SEMA3C: variants seen among roughly 807,000 people sequenced by gnomAD.
SEMA3C encodes the protein semaphorin 3C.
SEMA3C carries 47 observed loss-of-function variants against 89.4 expected under a neutral mutation model. The observed-to-expected ratio is 0.53, with a 90% CI of 0.42 to 0.67. The LOEUF is 0.67. Among genes scored for constraint, SEMA3C ranks in the 30% least tolerant of loss-of-function variants. SEMA3C has a pLI of 0.00. For synonymous variants in SEMA3C, 310 were observed against 320.2 expected (o/e 0.97, Z 0.34); for missense variants, 839 against 929.1 (o/e 0.90, Z 1.26).
intron 11 of SEMA3C, 90 bp downstream of exon 11, chr7:80,798,002 A>G: frequency 7.3e-7 from 1 of 1,363,866 alleles, no homozygotes; most frequent in South Asian, 1.4e-5. Context: ...CGTCTCAAAA[A>G]AAAACCCCAA....
upstream of SEMA3C, chr7:80,922,373 C>A (rs992212740): frequency 3.8e-6 from 4 of 1,064,124 alleles, no homozygotes; most frequent in Non-Finnish European, 5.1e-6. Flanking sequence ...TTTGGAAAGT[C>A]TCAACTTCCA....
chr7:80,757,103 C>G (rs1788083425), intron 15 of SEMA3C, among the ~76,000 whole-genome samples: 1 of 152,084 alleles, frequency 6.6e-6, no homozygotes. Flanking sequence ...TTTTAATACA[C>G]AAAAGCTCTA....
At position 80,746,718 on chromosome 7, in the gene SEMA3C, G is replaced by GGGGTGTGTGT. The variant is rs149678378; in HGVS notation, c.1843-1412_1843-1411insACACACACCC. 2.0e-3 allele frequency among the ~76,000 whole-genome samples: 287 copies of GGGGTGTGTGT among 143,026 alleles called. 4 individuals carry two copies. The highest frequency in any genetic ancestry group is 6.3e-3 in the African/African-American group (246 of 38,902). 93.8% of individuals were successfully genotyped at this position (143,026 alleles called of 152,430 possible). The stretch of plus-strand genomic sequence containing the variant: ...ATCACATGTACTGATATTGAAGTGG[G>GGGGTGTGTGT]GTGTGTGTGTGTGTGTGTGTGTGTG... On this transcript the variant is annotated intron_variant, in intron 17 of 17. Transcript: ENST00000265361.
intron 17 of SEMA3C, 43 bp from the exon 18 acceptor site, chr7:80,745,350 A>T: frequency 6.5e-7 from 1 of 1,549,330 alleles, no homozygotes; most frequent in Non-Finnish European, 8.8e-7. Flanking sequence ...TGAACATTAT[A>T]TTTCCTTAGA....
intron 2 of SEMA3C, among the ~76,000 whole-genome samples, chr7:80,863,168 G>A (rs1790812333): frequency 6.6e-6 from 1 of 151,698 alleles, no homozygotes; most frequent in South Asian, 2.1e-4. Context: ...GGAGGCAGAG[G>A]TTGCAGTGAG....
intron 7 of SEMA3C, among the ~76,000 whole-genome samples, chr7:80,805,425 T>A (rs1789315245): frequency 6.6e-6 from 1 of 152,100 alleles, no homozygotes; most frequent in African/African-American, 2.4e-5. Context: ...AACTGTAGGA[T>A]GATTAATAGA....
chr7:80,906,688 G>C (rs1792023501), intron 2 of SEMA3C, among the ~76,000 whole-genome samples: 1 of 152,178 alleles, frequency 6.6e-6, no homozygotes, highest in Non-Finnish European at 1.5e-5. Context: ...CAGAAGAGTA[G>C]AAGGTAGATG....
At chr7:80,845,365 T>C (rs1024974670) in intron 2 of SEMA3C, among the ~76,000 whole-genome samples, 1 of 152,058 alleles carries the variant, frequency 6.6e-6, no homozygotes, top group Non-Finnish European at 1.5e-5. Flanking sequence ...CCAACTGCTA[T>C]GGAGGGTATT....
chr7:80,752,912 TAA>T (rs1404771607), intron 15 of SEMA3C, among the ~76,000 whole-genome samples: 1 of 152,156 alleles, frequency 6.6e-6, no homozygotes, highest in African/African-American at 2.4e-5. Context: ...GGTTAAATGC[TAA>T]GTCTTTCTTC....
intron 2 of SEMA3C, among the ~76,000 whole-genome samples, chr7:80,908,751 C>A (rs76377647): frequency 3.9e-5 from 6 of 152,180 alleles, no homozygotes; most frequent in African/African-American, 1.4e-4. Context: ...GGAGACAGGG[C>A]TCAAATTCAC....
chr7:80,849,424 C>G (rs1404935339), intron 2 of SEMA3C, among the ~76,000 whole-genome samples: 1 of 151,734 alleles, frequency 6.6e-6, no homozygotes, highest in Non-Finnish European at 1.5e-5. Flanking sequence ...TGTTTTTAAA[C>G]TGATCAACTA....
chr7:80,844,722 G>A (rs1036383404), intron 2 of SEMA3C, among the ~76,000 whole-genome samples: 2 of 151,966 alleles, frequency 1.3e-5, no homozygotes, highest in Admixed American at 1.3e-4. Context: ...ATGGCCAGTG[G>A]GAGAAAATTA....
intron 11 of SEMA3C, among the ~76,000 whole-genome samples, chr7:80,794,854 G>A (rs1014092576): frequency 2.0e-5 from 3 of 152,108 alleles, no homozygotes; most frequent in Admixed American, 1.3e-4. Context: ...AATTACTTAC[G>A]GAAAAATATA....
At chr7:80,816,903 C>T (rs1789620883) in intron 5 of SEMA3C, among the ~76,000 whole-genome samples, 1 of 152,156 alleles carries the variant, frequency 6.6e-6, no homozygotes, top group African/African-American at 2.4e-5. Flanking sequence ...GCAATTCGTA[C>T]ATGGGAAAAT....
intron 16 of SEMA3C, among the ~76,000 whole-genome samples, chr7:80,750,431 C>T (rs1583840492): frequency 5.5e-5 from 4 of 73,316 alleles, no homozygotes; most frequent in South Asian, 1.1e-3. Context: ...TACATACATA[C>T]GTACATATAT....
At chr7:80,787,158 C>A (rs933196255) in intron 12 of SEMA3C, among the ~76,000 whole-genome samples, 4 of 151,924 alleles carry the variant, frequency 2.6e-5, no homozygotes, top group Admixed American at 2.6e-4. Flanking sequence ...CTTTGGGAGG[C>A]CAAGGTGGGT....
intron 12 of SEMA3C, among the ~76,000 whole-genome samples, chr7:80,778,565 A>G (rs1269155784): frequency 6.6e-6 from 1 of 152,176 alleles, no homozygotes; most frequent in African/African-American, 2.4e-5. Flanking sequence ...TTGAATATCT[A>G]TCTACATTTC....
chr7:80,910,654 C>CT (rs777385675), intron 2 of SEMA3C, among the ~76,000 whole-genome samples: 14,649 of 131,012 alleles, frequency 0.11, 974 homozygotes, highest in East Asian at 0.26. Context: ...AATGCTCGTT[C>CT]TTTTTTTTTT....
At chr7:80,813,672 C>T (rs1243844327) in intron 5 of SEMA3C, among the ~76,000 whole-genome samples, 2 of 152,020 alleles carry the variant, frequency 1.3e-5, no homozygotes, top group Admixed American at 6.5e-5. Context: ...CTTAGATTTC[C>T]ATTATTCCTT....
Sources: gnomAD v4.1 joint callset for allele counts (sites outside exome capture counted in the v4.1 genomes callset) on GRCh38, gnomAD v4.1.1 for gene constraint, MANE v1.5 for transcripts, NCBI Gene and HGNC (gene_info 2026-07-23, HGNC 2026-07-21) for gene names.